DUSP11: variants seen among roughly 807,000 people sequenced by gnomAD.
DUSP11 encodes the protein dual specificity phosphatase 11.
In DUSP11, 27 loss-of-function variants were observed where a neutral mutation model predicts 41.4. That is an observed-to-expected ratio of 0.65 (90% confidence interval 0.48 to 0.90). The LOEUF is 0.90. Among genes scored for constraint, DUSP11 ranks in the 40% least tolerant of loss-of-function variants. The pLI is 0.00. For missense variants in DUSP11, 465 were observed against 461.1 expected (o/e 1.01, Z -0.08); for synonymous variants, 188 against 159.3 (o/e 1.18, Z -1.35).
chr2:73,775,370 CTTTTTTTTT>C (rs60660160), intron 2 of DUSP11, among the ~76,000 whole-genome samples: 1 of 127,372 alleles, frequency 7.9e-6, no homozygotes, highest in Non-Finnish European at 1.7e-5. Flanking sequence ...TATTTCTTTT[CTTTTTTTTT>C]TTTTTTTTTT....
At chr2:73,767,504 C>T (rs918591247) in intron 5 of DUSP11, 7 of 243,814 alleles carry the variant, frequency 2.9e-5, no homozygotes, top group African/African-American at 1.6e-4. Context: ...ATGCTTTATA[C>T]ACTAAAAATA....
At chr2:73,769,125 T>C (rs1573179393) in intron 5 of DUSP11, 140 bp downstream of exon 5, 1 of 630,152 alleles carries the variant, frequency 1.6e-6, no homozygotes, top group East Asian at 2.7e-5. Context: ...TTATTAATGG[T>C]GGTAATCTCT....
intron 2 of DUSP11, 130 bp downstream of exon 2, chr2:73,778,171 C>T: frequency 1.9e-6 from 1 of 523,684 alleles, no homozygotes; most frequent in Non-Finnish European, 3.3e-6. Context: ...AACTTCATTT[C>T]AGGATAGTAA....
chr2:73,780,040 T>A (rs773502518), exon 1 of DUSP11: 1 of 1,613,362 alleles, frequency 6.2e-7, no homozygotes, highest in African/African-American at 1.3e-5. Flanking sequence ...GCGCCCTCAA[T>A]GCCAGGATAA....
At chr2:73,769,307 T>C in exon 5 of DUSP11, 3 of 1,613,450 alleles carry the variant, frequency 1.9e-6, no homozygotes, top group African/African-American at 1.3e-5. Context: ...ATGGGTACAG[T>C]GGACACCAAT....
chr2:73,774,912 C>A lies in DUSP11; in HGVS notation c.450+1G>T. 6.4e-7 allele frequency: 1 copy of A among 1,560,436 alleles called. No homozygotes were observed. Among genetic ancestry groups the A allele is most frequent in the Non-Finnish European group, 8.7e-7 (1 of 1,152,936 alleles). On this transcript the variant is annotated splice_donor_variant, in intron 3 of 8. Transcript: ENST00000272444. LOFTEE classifies it high-confidence loss of function. ...TCTTTTCATTGAAGGGTTCCACTTA[C>A]CTCTGGTTTATAATAGCGTTGAGTA...
chr2:73,768,958 TAAA>T (rs752612978), intron 5 of DUSP11: 270 of 88,568 alleles, frequency 3.0e-3, no homozygotes, highest in South Asian at 5.5e-3. Flanking sequence ...TCCGTCTCAA[TAAA>T]AAAAAAAAAA....
At chr2:73,773,489 T>TTCTCA (rs778622771) in intron 4 of DUSP11, 2 of 372,028 alleles carry the variant, frequency 5.4e-6, no homozygotes, top group Non-Finnish European at 1.0e-5. Flanking sequence ...TTTCTTCTAC[T>TTCTCA]TCTCACTTCT....
chr2:73,768,732 G>A, intron 5 of DUSP11: 1 of 802,082 alleles, frequency 1.2e-6, no homozygotes, highest in Non-Finnish European at 1.5e-6. Flanking sequence ...CGAGGCGGGT[G>A]GATCACAAGG....
intron 2 of DUSP11, among the ~76,000 whole-genome samples, chr2:73,776,164 C>T (rs1387185962): frequency 6.6e-6 from 1 of 151,934 alleles, no homozygotes; most frequent in Non-Finnish European, 1.5e-5. Flanking sequence ...CCTGTAATCC[C>T]AGCACTTTGG....
intron 8 of DUSP11, among the ~76,000 whole-genome samples, chr2:73,765,014 T>C (rs925496155): frequency 6.6e-6 from 1 of 152,178 alleles, no homozygotes; most frequent in Non-Finnish European, 1.5e-5. Context: ...GCAAGAATAA[T>C]AGCTTGCTAT....
At chr2:73,770,129 A>C (rs1226857334) in intron 4 of DUSP11, among the ~76,000 whole-genome samples, 1 of 150,162 alleles carries the variant, frequency 6.7e-6, no homozygotes, top group East Asian at 2.0e-4. Context: ...CCACGTCTCT[A>C]CTAAAAGTAC....
At chr2:73,763,065 T>C (rs1421972330) in intron 8 of DUSP11, among the ~76,000 whole-genome samples, 1 of 152,200 alleles carries the variant, frequency 6.6e-6, no homozygotes, top group Non-Finnish European at 1.5e-5. Context: ...GGGCTAATAA[T>C]ACTTTTCACC....
intron 3 of DUSP11, among the ~76,000 whole-genome samples, chr2:73,774,482 C>CT (rs1672643206): frequency 6.6e-6 from 1 of 152,182 alleles, no homozygotes; most frequent in African/African-American, 2.4e-5. Flanking sequence ...TCACCACTGT[C>CT]TATACCCAAA....
chr2:73,773,685 T>G, intron 4 of DUSP11, 115 bp downstream of exon 4: 1 of 1,048,406 alleles, frequency 9.5e-7, no homozygotes, highest in Non-Finnish European at 1.4e-6. Flanking sequence ...GACATTTTCA[T>G]CACCTTAGCA....
At chr2:73,768,279 G>A in intron 5 of DUSP11, 1 of 191,830 alleles carries the variant, frequency 5.2e-6, no homozygotes, top group Non-Finnish European at 9.6e-6. Context: ...CCCCTTCTCA[G>A]CACTTGTTGG....
At chr2:73,770,628 A>G (rs1021800886) in intron 4 of DUSP11, among the ~76,000 whole-genome samples, 2 of 152,148 alleles carry the variant, frequency 1.3e-5, no homozygotes, top group African/African-American at 4.8e-5. Flanking sequence ...GGCAGATGTT[A>G]TCTTTCTAAA....
At chr2:73,778,048 T>C (rs1162972385) in intron 2 of DUSP11, among the ~76,000 whole-genome samples, 1 of 151,912 alleles carries the variant, frequency 6.6e-6, no homozygotes, top group East Asian at 1.9e-4. Context: ...CATTTATATA[T>C]TGAAATAAAT....
exon 1 of DUSP11, chr2:73,779,951 G>A: frequency 3.1e-6 from 5 of 1,614,264 alleles, no homozygotes; most frequent in East Asian, 2.2e-5. Flanking sequence ...CCCAGCCACT[G>A]CGGGGATGAT....
Sources: allele counts gnomAD v4.1 joint callset (sites outside exome capture counted in the v4.1 genomes callset), GRCh38; gene constraint gnomAD v4.1.1; transcripts MANE v1.5; gene names NCBI Gene and HGNC (gene_info 2026-07-23, HGNC 2026-07-21).